PPIL6: variants seen among roughly 807,000 people sequenced by gnomAD.
PPIL6 encodes the protein probable inactive peptidyl-prolyl cis-trans isomerase-like 6.
A neutral mutation model predicts 36.8 loss-of-function variants in PPIL6; 39 were observed. That is an observed-to-expected ratio of 1.06 (90% CI 0.82 to 1.38). PPIL6 has a LOEUF of 1.38. Ranked by LOEUF, PPIL6 falls within the 40% of genes most tolerant of loss-of-function variation. The pLI, the probability that PPIL6 is intolerant of heterozygous loss-of-function variation, is 0.00. For missense variants in PPIL6, 368 were observed against 379.1 expected (o/e 0.97, Z 0.24); for synonymous variants, 123 against 134.1 (o/e 0.92, Z 0.57).
chr6:109,438,272 A>T (rs191402389), intron 1 of PPIL6, among the ~76,000 whole-genome samples: 188 of 152,086 alleles, frequency 1.2e-3, no homozygotes, highest in African/African-American at 3.7e-3. Context: ...ACATTCAGAT[A>T]TCCTTTATTA....
At chr6:109,420,039 A>G (rs1196871182) in intron 5 of PPIL6, among the ~76,000 whole-genome samples, 1 of 152,046 alleles carries the variant, frequency 6.6e-6, no homozygotes, top group Non-Finnish European at 1.5e-5. Context: ...TTTTTAGAAT[A>G]TGTATAAAAA....
At chr6:109,434,638 A>C (rs1020663807) in intron 2 of PPIL6, among the ~76,000 whole-genome samples, 1 of 152,194 alleles carries the variant, frequency 6.6e-6, no homozygotes, top group South Asian at 2.1e-4. Flanking sequence ...TGCTTCCATG[A>C]TAATTAATCA....
At chr6:109,436,778 T>TA in intron 1 of PPIL6, among the ~76,000 whole-genome samples, 1 of 152,114 alleles carries the variant, frequency 6.6e-6, no homozygotes, top group Non-Finnish European at 1.5e-5. Flanking sequence ...TTAGTATTCC[T>TA]ATATTCCCAC....
In PPIL6 at chr6:109,391,973, A is replaced by G. The variant is rs1772111507; in HGVS notation, c.*853T>C. On this transcript the variant is annotated 3_prime_UTR_variant, in exon 8 of 8. Transcript: ENST00000521072. ...TAGTTACAAACAAGAACATAATTCT[A>G]TTACAAATGTCTTAGGCTATCAGGT... 1.3e-5 allele frequency: 2 copies of G among 152,244 alleles called. No individual in the cohort carries two copies. Among genetic ancestry groups the G allele is most frequent in the South Asian group, 2.1e-4 (1 of 4,834 alleles). 9.4% of individuals were successfully genotyped at this position (152,244 alleles called of 1,614,324 possible).
At chr6:109,409,747 C>A (rs528156802) in intron 6 of PPIL6, among the ~76,000 whole-genome samples, 8 of 152,112 alleles carry the variant, frequency 5.3e-5, no homozygotes, top group African/African-American at 1.9e-4. Flanking sequence ...ACTGAACAAT[C>A]TGAAAAAGAA....
intron 6 of PPIL6, among the ~76,000 whole-genome samples, chr6:109,405,940 GT>G (rs1772782550): frequency 6.6e-6 from 1 of 152,070 alleles, no homozygotes; most frequent in Non-Finnish European, 1.5e-5. Flanking sequence ...CTACTATCCT[GT>G]TTTTTAATGC....
chr6:109,427,015 G>A (rs775522630), intron 4 of PPIL6, 21 bp from the exon 5 acceptor site: 2 of 1,598,644 alleles, frequency 1.3e-6, no homozygotes, highest in East Asian at 4.5e-5. Flanking sequence ...AAGACAAAAG[G>A]TTTCAAAGAT....
intron 5 of PPIL6, among the ~76,000 whole-genome samples, chr6:109,426,378 G>A (rs1351965623): frequency 5.9e-5 from 9 of 152,102 alleles, no homozygotes; most frequent in Admixed American, 5.9e-4. Flanking sequence ...GGACTGACCT[G>A]AAAAGAAAGA....
chr6:109,423,902 A>G (rs1192380398), intron 5 of PPIL6, among the ~76,000 whole-genome samples: 2 of 152,174 alleles, frequency 1.3e-5, no homozygotes, highest in African/African-American at 2.4e-5. Context: ...TCTTTCTACA[A>G]GTATTTATTA....
In PPIL6 at chr6:109,431,211, T is replaced by C. The variant is rs756978966; in HGVS notation, c.366A>G (p.Ala122=). The change falls in exon 3 of 8, where the codon GCA becomes GCG. Residue 122 remains alanine (A), a synonymous_variant. Coordinates refer to ENST00000521072, the MANE Select transcript of PPIL6 (RefSeq NM_173672.5). ...AATCCTCAGTGAGTGCGTCATAAAG[T>C]GCAGAGGGTTTAATGTCAACTATAT... ...VWDIVDIKPS[A]LYDALTEDFS... The C allele has an allele frequency of 1.2e-5, 19 of 1,613,882 alleles. No homozygotes were observed. The Admixed American group carries it at 1.5e-4, about 13-fold the overall frequency.
chr6:109,401,395 C>A (rs938110704), intron 6 of PPIL6, among the ~76,000 whole-genome samples: 5 of 152,116 alleles, frequency 3.3e-5, no homozygotes, highest in Non-Finnish European at 5.9e-5. Context: ...CATTCAATAA[C>A]TTCATAAATT....
intron 3 of PPIL6, among the ~76,000 whole-genome samples, 189 bp downstream of exon 3, chr6:109,430,968 G>A (rs1405345070): frequency 2.0e-5 from 3 of 152,132 alleles, no homozygotes; most frequent in Non-Finnish European, 4.4e-5. Context: ...GCAGCCCACG[G>A]GCTGTGAGAC....
intron 7 of PPIL6, among the ~76,000 whole-genome samples, chr6:109,397,237 T>G (rs1772337966): frequency 6.6e-6 from 1 of 151,842 alleles, no homozygotes; most frequent in African/African-American, 2.4e-5. Context: ...AGGAGGGCAG[T>G]GCCTCCCTGA....
At chr6:109,394,237 G>A (rs1048848350) in intron 7 of PPIL6, among the ~76,000 whole-genome samples, 3 of 152,094 alleles carry the variant, frequency 2.0e-5, no homozygotes, top group African/African-American at 4.8e-5. Flanking sequence ...ACTGGGCTTG[G>A]TGGTGCACAC....
chr6:109,414,028 A>G (rs887072621), intron 6 of PPIL6, among the ~76,000 whole-genome samples: 1 of 152,190 alleles, frequency 6.6e-6, no homozygotes, highest in Non-Finnish European at 1.5e-5. Context: ...AAAAAGAAAA[A>G]ATGAGTAAGA....
Position 109,440,451 on chromosome 6 carries a change from G to GT in PPIL6, c.135+4dup. The GT allele has an allele frequency of 6.5e-7, 1 of 1,541,140 alleles. No homozygotes were observed. The highest frequency in any genetic ancestry group is 1.4e-5 in the African/African-American group (1 of 71,678). ...CGCCCACGACGGAGGTTTCTCTGTG[G>GT]TTACCTCAGCGGCGCTCTTCGCAAT... On this transcript the variant is annotated splice_donor_region_variant and intron_variant, in intron 1 of 7. Transcript: ENST00000521072.
chr6:109,415,039 T>A (rs1773186440), intron 6 of PPIL6, among the ~76,000 whole-genome samples: 1 of 152,198 alleles, frequency 6.6e-6, no homozygotes, highest in Non-Finnish European at 1.5e-5. Flanking sequence ...ACAGTCTTCA[T>A]CCTTGTCACA....
intron 1 of PPIL6, 37 bp downstream of exon 1, chr6:109,440,419 G>C (rs1296217952): frequency 1.2e-5 from 19 of 1,533,596 alleles, no homozygotes; most frequent in Non-Finnish European, 1.6e-5. Context: ...CGGGTAGCGG[G>C]GAGGGCCGCC....
chr6:109,435,691 G>C (rs902831568), intron 2 of PPIL6, among the ~76,000 whole-genome samples: 1 of 152,162 alleles, frequency 6.6e-6, no homozygotes, highest in African/African-American at 2.4e-5. Context: ...TTGGGAGGCC[G>C]AGGTGGGTGG....
Sources: allele counts gnomAD v4.1 joint callset (sites outside exome capture counted in the v4.1 genomes callset), GRCh38; gene constraint gnomAD v4.1.1; transcripts MANE v1.5; gene names NCBI Gene and HGNC (gene_info 2026-07-23, HGNC 2026-07-21).